The following RNF169 variants were observed in gnomAD, a reference collection of about 807,000 sequenced individuals.
RNF169 encodes E3 ubiquitin-protein ligase RNF169.
A neutral mutation model predicts 53.9 loss-of-function variants in RNF169; 24 were observed. The ratio of observed to expected loss-of-function variants is 0.45; its 90% confidence interval spans 0.32 to 0.63. The LOEUF (loss-of-function observed/expected upper bound fraction) is 0.63. Among genes scored for constraint, RNF169 ranks in the 20% least tolerant of loss-of-function variants. The pLI is 0.04. For synonymous variants in RNF169, 396 were observed against 363.5 expected (o/e 1.09, Z -1.02); for missense variants, 883 against 906.2 (o/e 0.97, Z 0.33).
chr11:74,775,851 G>A (rs1305783932), intron 1 of RNF169, among the ~76,000 whole-genome samples: 1 of 152,070 alleles, frequency 6.6e-6, no homozygotes, highest in East Asian at 1.9e-4. Flanking sequence ...AGCTCTTTGA[G>A]GTCAGGGATT....
chr11:74,823,763 A>G (rs2036052194), intron 4 of RNF169, among the ~76,000 whole-genome samples: 1 of 151,584 alleles, frequency 6.6e-6, no homozygotes. Flanking sequence ...AAAAAAGAGG[A>G]AAAGAACACT....
intron 2 of RNF169, among the ~76,000 whole-genome samples, chr11:74,799,682 A>C (rs534841572): frequency 5.1e-4 from 77 of 152,138 alleles, no homozygotes; most frequent in Non-Finnish European, 8.5e-4. Flanking sequence ...TCTCTAGTAT[A>C]AAATAAAATA....
At chr11:74,767,716 C>T (rs1354580532) in intron 1 of RNF169, among the ~76,000 whole-genome samples, 1 of 152,130 alleles carries the variant, frequency 6.6e-6, no homozygotes, top group African/African-American at 2.4e-5. Flanking sequence ...ACTACAGGTG[C>T]CCGCCACCAT....
Position 74,767,155 on chromosome 11 carries a change from A to T in RNF169, c.502+17773A>T, listed in dbSNP as rs574535084. ...ACACCTGGCATGAACACAGATTTTT[A>T]AAATCTCAGGTGAAACACAGACTGA... On this transcript the variant is annotated intron_variant, in intron 1 of 5. Coordinates refer to ENST00000299563, the MANE Select transcript of RNF169 (RefSeq NM_001098638.2). Among the ~76,000 whole-genome samples, 3 of 152,236 alleles carry T rather than the reference A, an allele frequency of 2.0e-5. No individual in the cohort carries two copies. In the South Asian group the frequency reaches 6.2e-4, roughly 32 times the overall value.
At position 74,765,788 on chromosome 11, in the gene RNF169, G is replaced by A. The variant is rs564709360; in HGVS notation, c.502+16406G>A. Among the ~76,000 whole-genome samples, 48 of 148,328 alleles carry A rather than the reference G, an allele frequency of 3.2e-4. No homozygotes were observed. In the South Asian group the frequency reaches 9.9e-3, roughly 31 times the overall value. Reference sequence around the variant, plus strand: ...TTGCACTCCAGCCTGGGCAACAACCGCAGCCTGGGCAACATCTCAAAAAAA... The same window carrying A: ...TTGCACTCCAGCCTGGGCAACAACCACAGCCTGGGCAACATCTCAAAAAAA... On this transcript the variant is annotated intron_variant, in intron 1 of 5. Transcript: ENST00000299563.
rs145203816 is a variant in RNF169, at chr11:74,818,939, C to T, written c.842+1225C>T. 3.9e-5 allele frequency among the ~76,000 whole-genome samples: 6 copies of T among 152,242 alleles called. No individual in the cohort carries two copies. In the East Asian group the frequency reaches 1.2e-3, roughly 29 times the overall value. On this transcript the variant is annotated intron_variant, in intron 4 of 5. Coordinates refer to ENST00000299563, the MANE Select transcript of RNF169 (RefSeq NM_001098638.2). ...TATTTAAAAAATAATTTCTGCTCTA[C>T]CCTTCTTACATGGATTACTTAATGT...
chr11:74,838,875 T>C lies in RNF169; in HGVS notation c.*2145T>C, dbSNP rs1216651361. 6.6e-6 allele frequency: 1 copy of C among 152,202 alleles called. No individual in the cohort carries two copies. Among genetic ancestry groups the C allele is most frequent in the East Asian group, 1.9e-4 (1 of 5,198 alleles). The allele number at this position is 152,202 out of a possible 1,614,324, so 9.4% of individuals were successfully genotyped here. ...GCATTTCCTTTTTGATCTTAGTAAA[T>C]ATTATTGGAAGGCTAGTCTTGTTGG... On this transcript the variant is annotated 3_prime_UTR_variant, in exon 6 of 6. Transcript: ENST00000299563.
At chr11:74,806,275 A>C (rs2035804385) in intron 2 of RNF169, among the ~76,000 whole-genome samples, 1 of 152,252 alleles carries the variant, frequency 6.6e-6, no homozygotes, top group Non-Finnish European at 1.5e-5. Flanking sequence ...GAGAAATACA[A>C]ATTAAAATAA....
chr11:74,780,570 G>A (rs1034408176), intron 1 of RNF169, among the ~76,000 whole-genome samples: 2 of 152,070 alleles, frequency 1.3e-5, no homozygotes, highest in African/African-American at 2.4e-5. Context: ...ATGTATGCAC[G>A]CTTGCCTTAT....
chr11:74,805,202 A>C (rs1222479039), intron 2 of RNF169, among the ~76,000 whole-genome samples: 2 of 152,268 alleles, frequency 1.3e-5, no homozygotes, highest in Non-Finnish European at 2.9e-5. Context: ...TTATCCGTAT[A>C]AAGGAGTGTC....
intron 1 of RNF169, among the ~76,000 whole-genome samples, chr11:74,781,396 C>A (rs1005527835): frequency 6.6e-6 from 1 of 152,110 alleles, no homozygotes; most frequent in African/African-American, 2.4e-5. Flanking sequence ...TACAGATAAA[C>A]CCAGAGACCA....
chr11:74,796,700 C>T (rs76414432), intron 2 of RNF169, among the ~76,000 whole-genome samples: 1,554 of 152,236 alleles, frequency 0.01, 32 homozygotes, highest in African/African-American at 0.033. Flanking sequence ...GGGGGAAAAG[C>T]AGCCTTGCTT....
At chr11:74,754,677 C>T (rs767727064) in intron 1 of RNF169, among the ~76,000 whole-genome samples, 5 of 152,062 alleles carry the variant, frequency 3.3e-5, no homozygotes, top group African/African-American at 7.2e-5. Context: ...AAGAATTAGC[C>T]GGACGTGGTG....
chr11:74,791,745 C>T (rs997826783), intron 2 of RNF169, among the ~76,000 whole-genome samples: 1 of 152,212 alleles, frequency 6.6e-6, no homozygotes, highest in Non-Finnish European at 1.5e-5. Flanking sequence ...AGGGGCGCAT[C>T]CTGGGCCCCC....
intron 2 of RNF169, among the ~76,000 whole-genome samples, chr11:74,806,105 A>G (rs144390515): frequency 6.6e-6 from 1 of 152,298 alleles, no homozygotes; most frequent in African/African-American, 2.4e-5. Flanking sequence ...CAATTGCTTC[A>G]TATCCAAAAA....
At chr11:74,788,187 T>G (rs2035531537) in intron 1 of RNF169, among the ~76,000 whole-genome samples, 1 of 152,164 alleles carries the variant, frequency 6.6e-6, no homozygotes, top group South Asian at 2.1e-4. Context: ...GTAATACAAA[T>G]TCTTTGAAAT....
chr11:74,763,669 A>C (rs183450532), intron 1 of RNF169, among the ~76,000 whole-genome samples: 198 of 152,328 alleles, frequency 1.3e-3, no homozygotes, highest in African/African-American at 4.7e-3. Flanking sequence ...AATATGAAAG[A>C]AGGTGAAGAA....
chr11:74,836,039 C>G lies in RNF169; in HGVS notation c.1436C>G (p.Ala479Gly). ...TCTAGCAAGGAGAAGCCACTTGTGG[C>G]TGTAAATACAAGATTATCTGGTGGG... ...IHSSKEKPLV[A>G]VNTRLSGGQV... The change falls in exon 6 of 6, where the codon GCT becomes GGT. Residue 479 changes from alanine to glycine, a missense_variant. This residue lies in a region of RNF169 where 351 missense variants were observed against 337.3 expected (regional missense o/e 1.04). Coordinates refer to ENST00000299563, the MANE Select transcript of RNF169 (RefSeq NM_001098638.2). The G allele has an allele frequency of 6.2e-7, 1 of 1,614,180 alleles. No individual in the cohort carries two copies. The highest frequency in any genetic ancestry group is 8.5e-7 in the Non-Finnish European group (1 of 1,180,036).
intron 4 of RNF169, among the ~76,000 whole-genome samples, chr11:74,825,511 T>G (rs545525421): frequency 1.6e-4 from 24 of 151,878 alleles, no homozygotes; most frequent in Non-Finnish European, 2.8e-4. Flanking sequence ...CAGTAAGGAG[T>G]AGCCTACCAA....
Sources: gnomAD v4.1 joint callset for allele counts (sites outside exome capture counted in the v4.1 genomes callset) on GRCh38, gnomAD v4.1.1 for gene constraint, gnomAD v4.1.1 regional missense constraint, MANE v1.5 for transcripts, NCBI Gene and HGNC (gene_info 2026-07-23, HGNC 2026-07-21) for gene names.